VXN: variants seen among roughly 807,000 people sequenced by gnomAD.
VXN encodes vexin.
In VXN, 7 loss-of-function variants were observed where a neutral mutation model predicts 23.1. That is an observed-to-expected ratio of 0.30 (90% CI 0.17 to 0.57). The LOEUF (loss-of-function observed/expected upper bound fraction) is 0.57. Among genes scored for constraint, VXN ranks in the 20% least tolerant of loss-of-function variants. The pLI is 0.91. For missense variants in VXN, 238 were observed against 272.6 expected (o/e 0.87, Z 0.89); for synonymous variants, 120 against 105.8 (o/e 1.13, Z -0.83).
chr8:66,502,079 A>G (rs1807698101), intron 2 of VXN, among the ~76,000 whole-genome samples: 1 of 152,170 alleles, frequency 6.6e-6, no homozygotes, highest in Non-Finnish European at 1.5e-5. Context: ...GCAATCCTTA[A>G]TATCAGCTTT....
rs1041006684 is a variant in VXN at position 66,518,154 on chromosome 8, T to G, written c.*2078T>G. On this transcript the variant is annotated 3_prime_UTR_variant, in exon 6 of 6. Transcript: ENST00000305454. ...AAAGTTAGGGAGCAAACCAGTAACC[T>G]ATGCTGGTCGTAACAGAGGATCCTA... 25 of 152,240 alleles carry G rather than the reference T, an allele frequency of 1.6e-4. No individual in the cohort carries two copies. Among genetic ancestry groups the G allele is most frequent in the African/African-American group, 6.0e-4 (25 of 41,466 alleles). The allele number at this position is 152,240 out of a possible 1,614,324, so 9.4% of individuals were successfully genotyped here. A position where few individuals can be genotyped will look rare whatever the true frequency, so the allele number is the denominator to read the frequency against.
intron 2 of VXN, among the ~76,000 whole-genome samples, chr8:66,499,803 T>A (rs994325544): frequency 6.6e-6 from 1 of 152,094 alleles, no homozygotes; most frequent in African/African-American, 2.4e-5. Flanking sequence ...TGCTTTTTTC[T>A]CTTAATAAAT....
chr8:66,501,021 C>T (rs981563640), intron 2 of VXN, among the ~76,000 whole-genome samples: 2 of 151,836 alleles, frequency 1.3e-5, no homozygotes, highest in South Asian at 2.1e-4. Context: ...TACAGGTGCC[C>T]GCCATCAGGC....
At chr8:66,498,510 C>T (rs979765126) in intron 2 of VXN, among the ~76,000 whole-genome samples, 1 of 152,172 alleles carries the variant, frequency 6.6e-6, no homozygotes, top group African/African-American at 2.4e-5. Context: ...CAGTAGTCCC[C>T]CCCTTATCTG....
Position 66,511,720 on chromosome 8 carries a change from G to T in VXN, c.342+1563G>T, listed in dbSNP as rs114609629. 6.9e-3 allele frequency among the ~76,000 whole-genome samples: 1,055 copies of T among 152,274 alleles called. 9 individuals carry two copies. Among genetic ancestry groups the T allele is most frequent in the African/African-American group, 0.024 (1,001 of 41,532 alleles). On this transcript the variant is annotated intron_variant, in intron 4 of 5. Transcript: ENST00000305454. The stretch of plus-strand genomic sequence containing the variant: ...TGACAGCAGGAGTCCAGAGGAAGCT[G>T]GGAGGGGATAGGGTGGTGATGGGGA...
At chr8:66,504,805 G>T (rs1331421745) in intron 2 of VXN, among the ~76,000 whole-genome samples, 1 of 152,186 alleles carries the variant, frequency 6.6e-6, no homozygotes, top group Non-Finnish European at 1.5e-5. Flanking sequence ...TGGGGACGCG[G>T]GTAGGAGAGC....
intron 4 of VXN, among the ~76,000 whole-genome samples, chr8:66,512,124 C>A (rs1332674567): frequency 1.3e-5 from 2 of 151,766 alleles, no homozygotes; most frequent in Non-Finnish European, 2.9e-5. Flanking sequence ...GACCCTTCCT[C>A]AGGCCTGGAG....
At chr8:66,495,576 A>G (rs1024881708) in intron 1 of VXN, among the ~76,000 whole-genome samples, 1 of 152,210 alleles carries the variant, frequency 6.6e-6, no homozygotes, top group African/African-American at 2.4e-5. Flanking sequence ...AGAATAATCA[A>G]CATGATCAGT....
At chr8:66,512,862 C>CAT (rs397802609) in intron 4 of VXN, among the ~76,000 whole-genome samples, 2 of 152,176 alleles carry the variant, frequency 1.3e-5, no homozygotes, top group African/African-American at 4.8e-5. Context: ...TACTGACACA[C>CAT]GGGACCAATG....
intron 2 of VXN, chr8:66,503,338 C>T (rs139099442): frequency 6.6e-6 from 1 of 152,156 alleles, no homozygotes; most frequent in African/African-American, 2.4e-5. Context: ...TGAATCCCCT[C>T]AGCCCCAAAG....
Position 66,516,143 on chromosome 8 carries a change from T to C in VXN, c.*67T>C, listed in dbSNP as rs1807892998. 5 of 1,435,766 alleles carry C rather than the reference T, an allele frequency of 3.5e-6. No homozygotes were observed. The South Asian group carries it at 4.1e-5, about 12-fold the overall frequency. 88.9% of individuals were successfully genotyped at this position (1,435,766 alleles called of 1,614,324 possible). ...CGGACAAGAGGAAAAACCTTCAGGA[T>C]TGAAACTGAGCCACACGCACCTCTG... On this transcript the variant is annotated 3_prime_UTR_variant, in exon 6 of 6. Transcript: ENST00000305454.
chr8:66,516,170 T>C lies in VXN; in HGVS notation c.*94T>C. 8.5e-7 allele frequency: 1 copy of C among 1,171,210 alleles called. No individual in the cohort carries two copies. Among genetic ancestry groups the C allele is most frequent in the African/African-American group, 1.6e-5 (1 of 64,022 alleles). 72.6% of individuals were successfully genotyped at this position (1,171,210 alleles called of 1,614,324 possible). On this transcript the variant is annotated 3_prime_UTR_variant, in exon 6 of 6. Transcript: ENST00000305454. The stretch of plus-strand genomic sequence containing the variant: ...GAAACTGAGCCACACGCACCTCTGC[T>C]AGTAGCTGGTCCAAACCCATTATCC...
At chr8:66,495,421 G>C (rs1048209446) in intron 1 of VXN, among the ~76,000 whole-genome samples, 1 of 152,214 alleles carries the variant, frequency 6.6e-6, no homozygotes, top group African/African-American at 2.4e-5. Context: ...TTCCACTGCT[G>C]TAAATGGGAG....
chr8:66,494,575 C>T (rs1389861530), intron 1 of VXN: 2 of 152,266 alleles, frequency 1.3e-5, no homozygotes, highest in African/African-American at 2.4e-5. Flanking sequence ...TCCCCTGTGT[C>T]AGCCGCTGAC....
chr8:66,514,968 T>G (rs1586524027), intron 5 of VXN, among the ~76,000 whole-genome samples: 1 of 152,146 alleles, frequency 6.6e-6, no homozygotes, highest in Non-Finnish European at 1.5e-5. Context: ...CTAGAAAGAA[T>G]TATAAAAACC....
At chr8:66,513,082 G>C (rs912137241) in intron 4 of VXN, among the ~76,000 whole-genome samples, 1 of 152,178 alleles carries the variant, frequency 6.6e-6, no homozygotes, top group Non-Finnish European at 1.5e-5. Flanking sequence ...CGGAGGAAAC[G>C]GAGAGGCTGG....
At chr8:66,497,860 C>T (rs755708816) in intron 2 of VXN, among the ~76,000 whole-genome samples, 2 of 151,648 alleles carry the variant, frequency 1.3e-5, no homozygotes, top group Non-Finnish European at 2.9e-5. Context: ...CCCGACTCTA[C>T]AAAAAAGTCA....
At chr8:66,502,187 T>G (rs543424254) in intron 2 of VXN, among the ~76,000 whole-genome samples, 1 of 152,318 alleles carries the variant, frequency 6.6e-6, no homozygotes, top group East Asian at 1.9e-4. Context: ...TCTTTAATTT[T>G]TTTAATTCTT....
At chr8:66,502,316 T>C (rs1258799665) in intron 2 of VXN, among the ~76,000 whole-genome samples, 1 of 152,202 alleles carries the variant, frequency 6.6e-6, no homozygotes, top group Non-Finnish European at 1.5e-5. Context: ...GCCACGACAA[T>C]GAAGATTCGT....
Sources: gnomAD v4.1 joint callset for allele counts (sites outside exome capture counted in the v4.1 genomes callset) on GRCh38, gnomAD v4.1.1 for gene constraint, MANE v1.5 for transcripts, NCBI Gene and HGNC (gene_info 2026-07-23, HGNC 2026-07-21) for gene names.